The following TSPAN15 variants were observed in gnomAD, a reference collection of about 807,000 sequenced individuals.
TSPAN15 encodes tetraspanin-15.
A neutral mutation model predicts 34.5 loss-of-function variants in TSPAN15; 20 were observed. The observed-to-expected ratio is 0.58, with a 90% CI of 0.41 to 0.84. TSPAN15 has a LOEUF of 0.84. TSPAN15 is among the 40% of genes least tolerant of loss of function. The pLI is 0.00. For synonymous variants in TSPAN15, 155 were observed against 153.9 expected (o/e 1.01, Z -0.05); for missense variants, 313 against 386.1 (o/e 0.81, Z 1.59).
chr10:69,487,089 C>G (rs716786), intron 3 of TSPAN15, among the ~76,000 whole-genome samples: 1 of 151,672 alleles, frequency 6.6e-6, no homozygotes, highest in Non-Finnish European at 1.5e-5. Context: ...CCAGGGGCTA[C>G]GGGTTAGTGC....
intron 1 of TSPAN15, among the ~76,000 whole-genome samples, chr10:69,466,657 G>A (rs1185960790): frequency 6.6e-6 from 1 of 152,212 alleles, no homozygotes; most frequent in Non-Finnish European, 1.5e-5. Context: ...AATGGCTGGA[G>A]TTTGGGAGAC....
intron 3 of TSPAN15, among the ~76,000 whole-genome samples, chr10:69,494,129 C>T (rs932531892): frequency 1.1e-4 from 17 of 152,302 alleles, no homozygotes; most frequent in South Asian, 2.1e-4. Flanking sequence ...TGGGCAACCT[C>T]GGACTAGCCA....
At chr10:69,471,032 G>A (rs115520944) in intron 1 of TSPAN15, among the ~76,000 whole-genome samples, 2,853 of 152,140 alleles carry the variant, frequency 0.019, 105 homozygotes, top group African/African-American at 0.066. Flanking sequence ...CCACACTGAC[G>A]GCCCCTTTCC....
chr10:69,525,225 GT>G, the TSPAN15 span, among the ~76,000 whole-genome samples: 1,101 of 147,952 alleles, frequency 7.4e-3, 65 homozygotes, highest in African/African-American at 0.026. Context: ...AATAACCTCT[GT>G]ATTTTTAGAG....
chr10:69,511,505 A>C (rs557355438), downstream of TSPAN15, among the ~76,000 whole-genome samples: 2 of 151,726 alleles, frequency 1.3e-5, no homozygotes, highest in East Asian at 1.9e-4. Flanking sequence ...CTATTTTGTT[A>C]ATCTTTTCAA....
the TSPAN15 span, among the ~76,000 whole-genome samples, chr10:69,534,305 T>C: frequency 6.6e-6 from 1 of 152,198 alleles, no homozygotes; most frequent in Non-Finnish European, 1.5e-5. Context: ...CCCCTTCCTG[T>C]GGAATCTACT....
the TSPAN15 span, among the ~76,000 whole-genome samples, chr10:69,536,505 T>C: frequency 3.3e-5 from 5 of 152,170 alleles, no homozygotes; most frequent in Non-Finnish European, 7.3e-5. Flanking sequence ...TTACAAAATA[T>C]CAGATTGGGG....
At chr10:69,544,512 G>T in the TSPAN15 span, among the ~76,000 whole-genome samples, 40 of 152,326 alleles carry the variant, frequency 2.6e-4, no homozygotes, top group Admixed American at 2.0e-3. Context: ...CGGTTCAAAA[G>T]CTGCTCCAGG....
chr10:69,521,518 T>C, the TSPAN15 span, among the ~76,000 whole-genome samples: 4 of 147,512 alleles, frequency 2.7e-5, no homozygotes, highest in African/African-American at 9.9e-5. Context: ...GTGGTTGCAG[T>C]GAGCCAAGAT....
chr10:69,463,547 C>T (rs1841316478), intron 1 of TSPAN15, among the ~76,000 whole-genome samples: 1 of 152,134 alleles, frequency 6.6e-6, no homozygotes. Context: ...CGGTGGCTCA[C>T]ACCTGTAATC....
In TSPAN15 at chr10:69,459,101, C is replaced by G. The variant is rs373820137; in HGVS notation, c.96+7411C>G. Among the ~76,000 whole-genome samples, 4 of 54,024 alleles carry G rather than the reference C, an allele frequency of 7.4e-5. No individual in the cohort carries two copies. In the South Asian group the frequency reaches 1.8e-3, roughly 24 times the overall value. 35.4% of individuals were successfully genotyped at this position (54,024 alleles called of 152,430 possible). A position where few individuals can be genotyped will look rare whatever the true frequency, so the allele number is the denominator to read the frequency against. Reference sequence around the variant, plus strand: ...AGAGGTTGATGGGGGGAAAACAAAACAGACAAAAAAAAAAAAAAAAAAAAC... The same window carrying G: ...AGAGGTTGATGGGGGGAAAACAAAAGAGACAAAAAAAAAAAAAAAAAAAAC... On this transcript the variant is annotated intron_variant, in intron 1 of 7. Coordinates refer to ENST00000373290, the MANE Select transcript of TSPAN15 (RefSeq NM_012339.5).
chr10:69,467,462 C>T (rs1363333457), intron 1 of TSPAN15, among the ~76,000 whole-genome samples: 1 of 152,094 alleles, frequency 6.6e-6, no homozygotes, highest in African/African-American at 2.4e-5. Flanking sequence ...CAAACCTCTT[C>T]CTTTAGCCAG....
intron 2 of TSPAN15, 38 bp downstream of exon 2, chr10:69,483,914 A>G (rs1456921732): frequency 1.3e-6 from 2 of 1,592,578 alleles, no homozygotes. Context: ...GGGACTCCCC[A>G]GGAGAGCTGG....
chr10:69,460,400 G>A (rs1340236349), intron 1 of TSPAN15, among the ~76,000 whole-genome samples: 1 of 152,170 alleles, frequency 6.6e-6, no homozygotes, highest in Non-Finnish European at 1.5e-5. Context: ...AGGTGAGGAA[G>A]AGACACCGTA....
the TSPAN15 span, among the ~76,000 whole-genome samples, chr10:69,544,470 A>T: frequency 6.6e-5 from 10 of 152,132 alleles, no homozygotes; most frequent in Admixed American, 4.6e-4. Flanking sequence ...GAGGAAGAAG[A>T]GGATTGAAAA....
chr10:69,477,294 C>T (rs1235703550), intron 1 of TSPAN15, among the ~76,000 whole-genome samples: 2 of 152,080 alleles, frequency 1.3e-5, no homozygotes, highest in Admixed American at 1.3e-4. Flanking sequence ...GCCACCACAC[C>T]CAGCTAATTT....
At chr10:69,475,388 ACT>A (rs1407775497) in intron 1 of TSPAN15, among the ~76,000 whole-genome samples, 2 of 152,040 alleles carry the variant, frequency 1.3e-5, no homozygotes, top group Non-Finnish European at 2.9e-5. Flanking sequence ...ATGAAGTCAA[ACT>A]CTGTGCATCC....
the TSPAN15 span, among the ~76,000 whole-genome samples, chr10:69,534,033 A>C: frequency 2.0e-5 from 3 of 152,238 alleles, no homozygotes; most frequent in African/African-American, 7.2e-5. Flanking sequence ...GAAAATTACT[A>C]GGCTTTGAAG....
chr10:69,469,142 A>G (rs1208256398), intron 1 of TSPAN15, among the ~76,000 whole-genome samples: 1 of 151,134 alleles, frequency 6.6e-6, no homozygotes, highest in Non-Finnish European at 1.5e-5. Context: ...CTCAACCAGT[A>G]GAAGAGAAAA....
Sources: gnomAD v4.1 joint callset for allele counts (sites outside exome capture counted in the v4.1 genomes callset) on GRCh38, gnomAD v4.1.1 for gene constraint, MANE v1.5 for transcripts, NCBI Gene and HGNC (gene_info 2026-07-23, HGNC 2026-07-21) for gene names.